The following HEXA variants were observed in gnomAD, a reference collection of about 807,000 sequenced individuals.
HEXA encodes the protein hexosaminidase subunit alpha.
HEXA carries 54 observed loss-of-function variants against 73.3 expected under a neutral mutation model. That is an observed-to-expected ratio of 0.74 (90% CI 0.59 to 0.92). The LOEUF is 0.92. HEXA is among the 40% of genes least tolerant of loss of function. The pLI is 0.00. For missense variants in HEXA, 649 were observed against 653.0 expected (o/e 0.99, Z 0.07); for synonymous variants, 230 against 246.9 (o/e 0.93, Z 0.64).
At position 72,343,825 on chromosome 15, in the gene HEXA, T is replaced by C; in HGVS notation, c.*252A>G. On this transcript the variant is annotated 3_prime_UTR_variant, in exon 14 of 14. Transcript: ENST00000268097. Reference sequence around the variant, plus strand: ...TCAGGGGCAGACACTGACTCCAGCCTGGCTGTGCCCTTACCCTAACGCCAT... The same window carrying C: ...TCAGGGGCAGACACTGACTCCAGCCCGGCTGTGCCCTTACCCTAACGCCAT... 2.2e-6 allele frequency: 1 copy of C among 451,410 alleles called. No individual in the cohort carries two copies. The highest frequency in any genetic ancestry group is 4.1e-6 in the Non-Finnish European group (1 of 242,878). 28.0% of individuals were successfully genotyped at this position (451,410 alleles called of 1,614,324 possible). A position where few individuals can be genotyped will look rare whatever the true frequency, so the allele number is the denominator to read the frequency against.
chr15:72,375,704 G>C lies in HEXA; in HGVS notation c.253+16C>G. 1 of 1,613,976 alleles carries C rather than the reference G, an allele frequency of 6.2e-7. No homozygotes were observed. The highest frequency in any genetic ancestry group is 8.5e-7 in the Non-Finnish European group (1 of 1,179,978). On this transcript the variant is annotated intron_variant, in intron 1 of 13. Transcript: ENST00000268097. ...CTCTCAGGGCCCAGGAACAGGGCGGGACAAGTCCGACTCACCTGTGAGGTA... is the reference window on the plus strand; with the variant it reads ...CTCTCAGGGCCCAGGAACAGGGCGGCACAAGTCCGACTCACCTGTGAGGTA...
chr15:72,346,605 C>A lies in HEXA; in HGVS notation c.1252G>T (p.Ala418Ser), dbSNP rs1224276108. 3.1e-6 allele frequency: 5 copies of A among 1,614,070 alleles called. No individual in the cohort carries two copies. The Admixed American group carries it at 5.0e-5, about 16-fold the overall frequency. The change falls in exon 11 of 14, where the codon GCC (alanine) becomes TCC (serine). Residue 418 changes from alanine to serine, a missense_variant. Coordinates refer to ENST00000268097, the MANE Select transcript of HEXA (RefSeq NM_000520.6). ...TKAGFRALLSAPWYLNRISYG... is the reference protein window; with the variant it reads ...TKAGFRALLSSPWYLNRISYG... ...GATATACGGTTCAGGTACCAGGGGG[C>A]AGAGAGAAGGGCCCGGAAGCCGGCC...
chr15:72,362,170 A>G (rs1256164823), intron 1 of HEXA, among the ~76,000 whole-genome samples: 1 of 152,096 alleles, frequency 6.6e-6, no homozygotes, highest in Non-Finnish European at 1.5e-5. Context: ...CTTTGCACAT[A>G]TTGCTTCCTC....
chr15:72,349,229 G>A lies in HEXA; in HGVS notation c.836C>T (p.Ser279Phe). 3 of 1,614,122 alleles carry A rather than the reference G, an allele frequency of 1.9e-6. No homozygotes were observed. The highest frequency in any genetic ancestry group is 2.5e-6 in the Non-Finnish European group (3 of 1,179,998). Residue 279 changes from serine to phenylalanine, a missense_variant, in exon 8 of 14, where the codon TCT becomes TTT. Ser to Phe is a radical substitution (Grantham distance 155). Coordinates refer to ENST00000268097, the MANE Select transcript of HEXA (RefSeq NM_000520.6). ...AAAGGTGCCAGAGGGCTCAGACCCA[G>A]AGTAGCAAGGAGTCAGTAATCCAGG... The part of the protein sequence containing the change: ...GIPGLLTPCY[S>F]GSEPSGTFGP...
intron 8 of HEXA, among the ~76,000 whole-genome samples, chr15:72,348,780 A>C (rs138932988): frequency 6.6e-6 from 1 of 152,346 alleles, no homozygotes; most frequent in African/African-American, 2.4e-5. Flanking sequence ...AGCCTTCATA[A>C]ACAGGGATTA....
intron 7 of HEXA, chr15:72,350,149 T>C (rs2088676081): frequency 1.4e-5 from 5 of 346,474 alleles, no homozygotes; most frequent in South Asian, 4.8e-5. Flanking sequence ...GGGCTGAGGG[T>C]ATACAGAAGA....
chr15:72,375,425 T>C (rs949984280), intron 1 of HEXA, among the ~76,000 whole-genome samples: 6 of 152,250 alleles, frequency 3.9e-5, no homozygotes, highest in Admixed American at 2.0e-4. Flanking sequence ...CTCTGGTCTC[T>C]ACTCAGCCCT....
Position 72,343,757 on chromosome 15 carries a change from C to T in HEXA, c.*320G>A. On this transcript the variant is annotated 3_prime_UTR_variant, in exon 14 of 14. Coordinates refer to ENST00000268097, the MANE Select transcript of HEXA (RefSeq NM_000520.6). ...AGCTCACAGGCAAGGCAGAACAGCACAAAGGCTATAGGTTTCATTCCCAGC... is the reference window on the plus strand; with the variant it reads ...AGCTCACAGGCAAGGCAGAACAGCATAAAGGCTATAGGTTTCATTCCCAGC... 2.7e-6 allele frequency: 1 copy of T among 372,898 alleles called. No individual in the cohort carries two copies. The highest frequency in any genetic ancestry group is 5.2e-6 in the Non-Finnish European group (1 of 192,774). 23.1% of individuals were successfully genotyped at this position (372,898 alleles called of 1,614,324 possible).
In HEXA at chr15:72,350,555, C is replaced by T. The variant is rs1218888083; in HGVS notation, c.768G>A (p.Glu256=). The T allele has an allele frequency of 1.2e-6, 2 of 1,614,178 alleles. No homozygotes were observed. Among genetic ancestry groups the T allele is most frequent in the South Asian group, 1.1e-5 (1 of 91,090 alleles). The change falls in exon 7 of 14, where the codon GAG becomes GAA. Residue 256 remains glutamate, a synonymous_variant. Coordinates refer to ENST00000268097, the MANE Select transcript of HEXA (RefSeq NM_000520.6). Reference sequence around the variant, plus strand: ...ACAAAGTGTGGCCAGGAGTGTCAAACTCTGCAAGCACACGGATACCCCGGA... The same window carrying T: ...ACAAAGTGTGGCCAGGAGTGTCAAATTCTGCAAGCACACGGATACCCCGGA... ...ARLRGIRVLA[E]FDTPGHTLSW...
At chr15:72,352,114 G>A (rs1444813602) in intron 5 of HEXA, among the ~76,000 whole-genome samples, 1 of 152,086 alleles carries the variant, frequency 6.6e-6, no homozygotes, top group African/African-American at 2.4e-5. Flanking sequence ...GCGCCATCGC[G>A]CCTGGCTAAT....
In HEXA at chr15:72,346,298, A is replaced by G. The variant is rs1045003375; in HGVS notation, c.1358T>C (p.Ile453Thr). The change falls in exon 12 of 14, where the codon ATT (isoleucine) becomes ACT (threonine). Residue 453 changes from isoleucine (I) to threonine (T), a missense_variant. By Grantham distance (89) the Ile-to-Thr change is moderately conservative. Transcript: ENST00000268097. ...TCCCCACATACAAGCCTCTCCACCA[A>G]TCACCAGAGCCTTCTGCTCAGGGGT... ...EGTPEQKALV[I>T]GGEACMWGEY... is the part of the protein sequence containing the mutation. The G allele has an allele frequency of 5.0e-6, 8 of 1,613,964 alleles. No individual in the cohort carries two copies. In the African/African-American group the frequency reaches 1.1e-4, roughly 22 times the overall value.
intron 1 of HEXA, among the ~76,000 whole-genome samples, chr15:72,362,670 G>C (rs2088866380): frequency 6.6e-6 from 1 of 152,224 alleles, no homozygotes; most frequent in East Asian, 1.9e-4. Flanking sequence ...ACACTGCTCT[G>C]AAGACCTCTG....
At chr15:72,370,713 G>GAA in intron 1 of HEXA, 1 of 73,996 alleles carries the variant, frequency 1.4e-5, no homozygotes, top group South Asian at 1.0e-3. Context: ...AAAAAAGAAA[G>GAA]AAAAGAAAAG....
chr15:72,362,045 A>T (rs2088858364), intron 1 of HEXA, among the ~76,000 whole-genome samples: 1 of 152,254 alleles, frequency 6.6e-6, no homozygotes, highest in African/African-American at 2.4e-5. Flanking sequence ...TCCAGAATTC[A>T]CTGGGTAATC....
At chr15:72,349,388 G>A (rs1259138113) in intron 7 of HEXA, 129 bp from the exon 8 acceptor site, 3 of 743,692 alleles carry the variant, frequency 4.0e-6, no homozygotes, top group Admixed American at 3.9e-5. Flanking sequence ...CATTTAGGTA[G>A]GCACACTTAG....
At chr15:72,369,658 C>T (rs2088962897) in intron 1 of HEXA, among the ~76,000 whole-genome samples, 1 of 152,166 alleles carries the variant, frequency 6.6e-6, no homozygotes, top group African/African-American at 2.4e-5. Context: ...CCACCTCAGC[C>T]TCTGGAGTAG....
At chr15:72,362,541 T>C (rs2088864720) in intron 1 of HEXA, 1 of 453,620 alleles carries the variant, frequency 2.2e-6, no homozygotes, top group Non-Finnish European at 4.4e-6. Flanking sequence ...CAGGCATAAA[T>C]AGCAAGTAGT....
intron 1 of HEXA, chr15:72,356,842 C>G (rs1165263855): frequency 1.5e-6 from 1 of 652,992 alleles, no homozygotes; most frequent in Non-Finnish European, 2.7e-6. Flanking sequence ...TCTGAATGCT[C>G]TGGGTGACAG....
chr15:72,375,381 T>A (rs547888903), intron 1 of HEXA, among the ~76,000 whole-genome samples: 3 of 152,290 alleles, frequency 2.0e-5, no homozygotes, highest in South Asian at 4.1e-4. Flanking sequence ...TTTGCATAGT[T>A]CTTGTATTAT....
Sources: allele counts gnomAD v4.1 joint callset (sites outside exome capture counted in the v4.1 genomes callset), GRCh38; gene constraint gnomAD v4.1.1; transcripts MANE v1.5; gene names NCBI Gene and HGNC (gene_info 2026-07-23, HGNC 2026-07-21).